Variants in NHSL1 observed in about 807,000 individuals in gnomAD.
NHSL1 encodes the protein NHS-like protein 1.
A neutral mutation model predicts 95.0 loss-of-function variants in NHSL1; 48 were observed. That is an observed-to-expected ratio of 0.51 (90% CI 0.40 to 0.64). The LOEUF is 0.64. Ranked by LOEUF, NHSL1 falls within the 30% of genes least tolerant of loss-of-function variation. The pLI is 0.00. For missense variants in NHSL1, 1,971 were observed against 2,077.7 expected (o/e 0.95, Z 1.00); for synonymous variants, 783 against 833.9 (o/e 0.94, Z 1.05).
chr6:138,610,469 A>G (rs1431491035), intron 1 of NHSL1, among the ~76,000 whole-genome samples: 2 of 151,758 alleles, frequency 1.3e-5, no homozygotes. Flanking sequence ...CAGCACACCA[A>G]CATGGCACAT....
intron 1 of NHSL1, among the ~76,000 whole-genome samples, chr6:138,551,297 T>C (rs566148172): frequency 7.2e-5 from 11 of 152,322 alleles, no homozygotes; most frequent in Non-Finnish European, 1.6e-4. Context: ...AGACAGGCAA[T>C]GCTTATTTTC....
rs1784320594 is a variant in NHSL1, at chr6:138,597,769, A to C, written c.96+94707T>G. ...ATGGCCTTCTTTAATTTCTCCTTAC[A>C]TTGCAGGTAGGACATTATATTGACT... On this transcript the variant is annotated intron_variant, in intron 1 of 3. Transcript: ENST00000491526. Among the ~76,000 whole-genome samples the C allele has an allele frequency of 3.3e-5, 5 of 152,168 alleles. No individual in the cohort carries two copies. In the South Asian group the frequency reaches 1.0e-3, roughly 32 times the overall value.
chr6:138,665,182 G>T (rs1446695545), intron 1 of NHSL1, among the ~76,000 whole-genome samples: 1 of 152,016 alleles, frequency 6.6e-6, no homozygotes, highest in Non-Finnish European at 1.5e-5. Context: ...TCTATTTCTA[G>T]TAACACTTGG....
chr6:138,462,739 T>C (rs1302960631), intron 3 of NHSL1, among the ~76,000 whole-genome samples: 1 of 152,206 alleles, frequency 6.6e-6, no homozygotes, highest in South Asian at 2.1e-4. Context: ...TACAGTGAAA[T>C]ATACCTTGGC....
chr6:138,575,939 C>G (rs1031801460), upstream of NHSL1, among the ~76,000 whole-genome samples: 3 of 151,964 alleles, frequency 2.0e-5, no homozygotes, highest in African/African-American at 7.2e-5. Context: ...TCACAATAAC[C>G]CTGCCGTGGA....
chr6:138,481,314 A>G (rs1356377202), intron 2 of NHSL1, among the ~76,000 whole-genome samples: 3 of 152,230 alleles, frequency 2.0e-5, no homozygotes, highest in African/African-American at 7.2e-5. Flanking sequence ...CTACCCCTTC[A>G]TAAATTTGTT....
At chr6:138,576,646 CG>C (rs1404732226), upstream of NHSL1, among the ~76,000 whole-genome samples, 1 of 152,152 alleles carries the variant, frequency 6.6e-6, no homozygotes, top group African/African-American at 2.4e-5. Flanking sequence ...TGAGGGCTCA[CG>C]GAATAAAAGG....
intron 1 of NHSL1, among the ~76,000 whole-genome samples, chr6:138,585,939 T>C (rs1784129270): frequency 6.6e-6 from 1 of 151,648 alleles, no homozygotes; most frequent in South Asian, 2.1e-4. Context: ...TAGTTCCAGC[T>C]ACAAGGGAGC....
At chr6:138,617,754 G>A (rs1028893194) in intron 1 of NHSL1, among the ~76,000 whole-genome samples, 9 of 152,216 alleles carry the variant, frequency 5.9e-5, no homozygotes, top group East Asian at 3.8e-4. Flanking sequence ...CAGGTACTGC[G>A]TTCTCATTAC....
intron 1 of NHSL1, among the ~76,000 whole-genome samples, chr6:138,628,390 T>C (rs1784773842): frequency 6.6e-6 from 1 of 152,188 alleles, no homozygotes; most frequent in Non-Finnish European, 1.5e-5. Context: ...ATTCCATCTT[T>C]AATATGCATA....
intron 2 of NHSL1, among the ~76,000 whole-genome samples, chr6:138,488,841 A>G (rs958231478): frequency 1.3e-5 from 2 of 152,182 alleles, no homozygotes; most frequent in African/African-American, 4.8e-5. Flanking sequence ...GAGGTCTGAG[A>G]TCAGAATAGG....
chr6:138,644,563 G>A (rs1421511778), intron 1 of NHSL1, among the ~76,000 whole-genome samples: 1 of 152,092 alleles, frequency 6.6e-6, no homozygotes, highest in East Asian at 1.9e-4. Flanking sequence ...CATCTGTATT[G>A]AAAAGTTTAA....
intron 1 of NHSL1, chr6:138,545,534 A>C: frequency 2.1e-6 from 2 of 963,864 alleles, no homozygotes; most frequent in South Asian, 2.7e-5. Flanking sequence ...TTTTTACTGG[A>C]ATCAGCTCTG....
intron 1 of NHSL1, among the ~76,000 whole-genome samples, chr6:138,554,073 A>G (rs1018319968): frequency 2.0e-5 from 3 of 152,244 alleles, no homozygotes; most frequent in Non-Finnish European, 4.4e-5. Context: ...TTTCTTAGTA[A>G]ACTTATAAGG....
intron 1 of NHSL1, among the ~76,000 whole-genome samples, chr6:138,558,131 C>T (rs1384359385): frequency 6.6e-6 from 1 of 150,452 alleles, no homozygotes; most frequent in Non-Finnish European, 1.5e-5. Flanking sequence ...TTTTGGGGGG[C>T]TTTTTTTTTG....
At chr6:138,426,067 G>T (rs1456313395) in intron 7 of NHSL1, among the ~76,000 whole-genome samples, 2 of 152,188 alleles carry the variant, frequency 1.3e-5, no homozygotes, top group African/African-American at 4.8e-5. Context: ...TAAAGCCAGT[G>T]AGCCAAGTGG....
intron 1 of NHSL1, chr6:138,650,457 C>T: frequency 8.8e-7 from 1 of 1,133,892 alleles, no homozygotes; most frequent in Admixed American, 1.8e-5. Context: ...TTTGGTGTGG[C>T]TCCGGATGGC....
intron 2 of NHSL1, among the ~76,000 whole-genome samples, chr6:138,492,543 T>G (rs1272159867): frequency 6.6e-6 from 1 of 152,242 alleles, no homozygotes; most frequent in Non-Finnish European, 1.5e-5. Context: ...TTTTATGTAC[T>G]AAGTCAAACT....
At chr6:138,516,588 T>TTTG (rs769534036) in intron 1 of NHSL1, among the ~76,000 whole-genome samples, 6,775 of 151,822 alleles carry the variant, frequency 0.045, 226 homozygotes, top group Non-Finnish European at 0.053. Context: ...TCAAAGTTGT[T>TTTG]TTGTTGTTGT....
Sources: gnomAD v4.1 joint callset for allele counts (sites outside exome capture counted in the v4.1 genomes callset) on GRCh38, gnomAD v4.1.1 for gene constraint, MANE v1.5 for transcripts, NCBI Gene and HGNC (gene_info 2026-07-23, HGNC 2026-07-21) for gene names.